HADHB: variants seen among roughly 807,000 people sequenced by gnomAD.
The protein encoded by HADHB is trifunctional enzyme subunit beta, mitochondrial.
In HADHB, 50 loss-of-function variants were observed where a neutral mutation model predicts 61.9. The observed-to-expected ratio is 0.81, with a 90% CI of 0.64 to 1.02. The LOEUF (loss-of-function observed/expected upper bound fraction) is 1.02. Ranked by LOEUF, HADHB falls within the 50% of genes least tolerant of loss-of-function variation. The pLI, the probability that HADHB is intolerant of heterozygous loss-of-function variation, is 0.00. For missense variants in HADHB, 504 were observed against 586.5 expected (o/e 0.86, Z 1.45); for synonymous variants, 191 against 201.6 (o/e 0.95, Z 0.45).
At chr2:26,288,266 A>T (rs991896777) in intron 15 of HADHB, among the ~76,000 whole-genome samples, 35 of 152,046 alleles carry the variant, frequency 2.3e-4, no homozygotes, top group African/African-American at 7.7e-4. Context: ...TTGTCTCAAA[A>T]AGCAAATAAA....
chr2:26,261,325 T>C (rs1671857815), intron 3 of HADHB: 1 of 366,498 alleles, frequency 2.7e-6, no homozygotes, highest in Admixed American at 4.1e-5. Context: ...CATTGCAGAA[T>C]ACATCTCTGC....
At chr2:26,263,855 A>T (rs1671959265) in intron 4 of HADHB, among the ~76,000 whole-genome samples, 1 of 152,058 alleles carries the variant, frequency 6.6e-6, no homozygotes, top group African/African-American at 2.4e-5. Context: ...GGCCTATATA[A>T]TCCACTGGTT....
At chr2:26,276,988 T>G (rs542308164) in intron 6 of HADHB, 85 bp from the exon 7 acceptor site, 2 of 780,682 alleles carry the variant, frequency 2.6e-6, no homozygotes, top group African/African-American at 1.7e-5. Context: ...CGTTTCCAGA[T>G]GACTATGAAG....
intron 1 of HADHB, among the ~76,000 whole-genome samples, chr2:26,246,633 G>A (rs902232945): frequency 6.6e-6 from 1 of 152,064 alleles, no homozygotes; most frequent in Non-Finnish European, 1.5e-5. Context: ...GAGCCACCAC[G>A]CCCGACCTTA....
Position 26,280,082 on chromosome 2 carries a change from C to T in HADHB, c.900C>T (p.Tyr300=), listed in dbSNP as rs144093705. The T allele has an allele frequency of 1.2e-3, 1,946 of 1,611,942 alleles. 6 individuals carry two copies. Among genetic ancestry groups the T allele is most frequent in the East Asian group, 5.4e-3 (243 of 44,862 alleles). ...AKLKPAFIKP[Y]GTVTAANSSF... is the part of the protein sequence containing the mutation. ...TAAAACCTGCATTCATCAAGCCCTA[C>T]GGCACAGTGACAGCTGCAAATTCTT... Residue 300 remains tyrosine, a synonymous_variant, in exon 10 of 16, where the codon TAC becomes TAT. Coordinates refer to ENST00000317799, the MANE Select transcript of HADHB (RefSeq NM_000183.3).
intron 10 of HADHB, among the ~76,000 whole-genome samples, chr2:26,280,795 C>T (rs992786338): frequency 3.3e-5 from 4 of 121,340 alleles, no homozygotes; most frequent in African/African-American, 9.3e-5. Context: ...GTGGAGGTTG[C>T]GGTGAGCCAA....
intron 5 of HADHB, among the ~76,000 whole-genome samples, chr2:26,272,028 T>C (rs947060049): frequency 1.3e-5 from 2 of 152,240 alleles, no homozygotes; most frequent in African/African-American, 4.8e-5. Flanking sequence ...TAACTGGGAC[T>C]ATAGGCGTAA....
At chr2:26,279,941 G>C in intron 9 of HADHB, 53 bp from the exon 10 acceptor site, 1 of 1,334,004 alleles carries the variant, frequency 7.5e-7, no homozygotes, top group Non-Finnish European at 1.1e-6. Context: ...CTGTGGAGAA[G>C]ATATATAAGG....
Position 26,263,381 on chromosome 2 carries a change from T to C in HADHB, c.111T>C (p.Ala37=), listed in dbSNP as rs1574650470. The part of the protein sequence containing the change: ...SCSSQLRAAP[A]VQTKTKKTLA... ...TTGTTTTTAAACTTTATCTTAAAGC[T>C]GTCCAGACCAAAACGAAGAAGACGT... The change falls in exon 4 of 16, where the codon GCT becomes GCC. Residue 37 remains alanine, a splice_region_variant and synonymous_variant. Transcript: ENST00000317799. The C allele has an allele frequency of 6.3e-7, 1 of 1,588,852 alleles. No homozygotes were observed. Among genetic ancestry groups the C allele is most frequent in the Non-Finnish European group, 8.6e-7 (1 of 1,157,200 alleles).
At position 26,279,627 on chromosome 2, in the gene HADHB, T is replaced by TA. The variant is rs879532452; in HGVS notation, c.811+326dup. Among the ~76,000 whole-genome samples the TA allele has an allele frequency of 7.8e-3, 1,084 of 138,398 alleles. 3 individuals are homozygous for TA. Among genetic ancestry groups the TA allele is most frequent in the African/African-American group, 0.019 (711 of 37,732 alleles). The allele number at this position is 138,398 out of a possible 152,430, so 90.8% of individuals were successfully genotyped here. A position where few individuals can be genotyped will look rare whatever the true frequency, so the allele number is the denominator to read the frequency against. On this transcript the variant is annotated intron_variant, in intron 9 of 15. Coordinates refer to ENST00000317799, the MANE Select transcript of HADHB (RefSeq NM_000183.3). ...AACAGCGTGAGACTTCATCTCTAAT[T>TA]AAAAAAAAAAAAAAGAAAAACAGAG...
At chr2:26,247,462 A>G (rs1341367285) in intron 1 of HADHB, among the ~76,000 whole-genome samples, 1 of 152,298 alleles carries the variant, frequency 6.6e-6, no homozygotes, top group Admixed American at 6.5e-5. Flanking sequence ...CTGTAATTCC[A>G]CCACCCGGAG....
chr2:26,245,142 C>T (rs766709798), intron 1 of HADHB, 152 bp downstream of exon 1: 15 of 216,294 alleles, frequency 6.9e-5, no homozygotes, highest in Admixed American at 3.1e-4. Context: ...CGGACAAGGT[C>T]GGCAGTGCTA....
chr2:26,245,195 G>A, intron 1 of HADHB: 1 of 188,684 alleles, frequency 5.3e-6, no homozygotes, highest in Non-Finnish European at 1.1e-5. Flanking sequence ...TCCAGCTGAA[G>A]TTCGGGACAG....
intron 3 of HADHB, chr2:26,260,824 G>T: frequency 1.7e-6 from 1 of 594,802 alleles, no homozygotes; most frequent in East Asian, 2.8e-5. Context: ...TGGTCTTTCT[G>T]CTTCTATCAT....
intron 6 of HADHB, among the ~76,000 whole-genome samples, chr2:26,276,321 A>C: frequency 6.6e-6 from 1 of 152,198 alleles, no homozygotes; most frequent in East Asian, 1.9e-4. Context: ...TTATGCCATC[A>C]TCCTGGCCAC....
intron 1 of HADHB, among the ~76,000 whole-genome samples, chr2:26,246,975 C>T (rs1157072565): frequency 2.0e-5 from 3 of 152,140 alleles, no homozygotes; most frequent in Non-Finnish European, 4.4e-5. Context: ...TGCGCGTGCG[C>T]GTCCTATGTG....
chr2:26,272,600 C>T (rs1038259522), intron 5 of HADHB, among the ~76,000 whole-genome samples: 14 of 151,404 alleles, frequency 9.2e-5, no homozygotes, highest in African/African-American at 2.7e-4. Context: ...CCGCCTGCCT[C>T]GGCCTCCCAA....
Position 26,286,818 on chromosome 2 carries a change from T to G in HADHB, c.1389+1247T>G, listed in dbSNP as rs555597447. Among the ~76,000 whole-genome samples, 328 of 151,152 alleles carry G rather than the reference T, an allele frequency of 2.2e-3. 1 individual carries two copies. The highest frequency in any genetic ancestry group is 2.8e-3 in the Non-Finnish European group (189 of 67,734). Reference sequence around the variant, plus strand: ...ACTGTGCCTGGCCTGTTTTTGTTTTTTTTTTTTTTTTTTAATCCCGATGTG... The same window carrying G: ...ACTGTGCCTGGCCTGTTTTTGTTTTGTTTTTTTTTTTTTAATCCCGATGTG... On this transcript the variant is annotated intron_variant, in intron 15 of 15. Coordinates refer to ENST00000317799, the MANE Select transcript of HADHB (RefSeq NM_000183.3).
At chr2:26,267,402 G>A (rs567564414) in intron 4 of HADHB, among the ~76,000 whole-genome samples, 5 of 152,108 alleles carry the variant, frequency 3.3e-5, no homozygotes, top group African/African-American at 7.2e-5. Context: ...AGGAGCTACC[G>A]GTCACCAAAA....
Sources: gnomAD v4.1 joint callset for allele counts (sites outside exome capture counted in the v4.1 genomes callset) on GRCh38, gnomAD v4.1.1 for gene constraint, MANE v1.5 for transcripts, NCBI Gene and HGNC (gene_info 2026-07-23, HGNC 2026-07-21) for gene names.